Variants in PDE10A observed in about 807,000 individuals in gnomAD.
PDE10A encodes phosphodiesterase 10A, also known as cAMP and cAMP-inhibited cGMP 3',5'-cyclic phosphodiesterase 10A.
In PDE10A, 39 loss-of-function variants were observed where a neutral mutation model predicts 97.7. The ratio of observed to expected loss-of-function variants is 0.40; its 90% CI spans 0.31 to 0.52. The LOEUF (loss-of-function observed/expected upper bound fraction) is 0.52. Among genes scored for constraint, PDE10A ranks in the 20% least tolerant of loss-of-function variants. The pLI, the probability that PDE10A is intolerant of heterozygous loss-of-function variation, is 0.56. For synonymous variants in PDE10A, 371 were observed against 376.8 expected (o/e 0.98, Z 0.18); for missense variants, 731 against 1,047.8 (o/e 0.70, Z 4.17).
At chr6:165,722,195 T>G (rs1254470198) in intron 1 of PDE10A, among the ~76,000 whole-genome samples, 1 of 152,246 alleles carries the variant, frequency 6.6e-6, no homozygotes, top group Non-Finnish European at 1.5e-5. Flanking sequence ...GCATGTCCAG[T>G]GCTGTGAGAT....
intron 1 of PDE10A, among the ~76,000 whole-genome samples, chr6:165,621,404 CCTTTCCCCTT>C (rs1788126848): frequency 1.3e-5 from 2 of 152,176 alleles, no homozygotes; most frequent in Middle Eastern, 3.4e-3. Context: ...TTGAAAAACC[CCTTTCCCCTT>C]CAAAATAGGA....
intron 1 of PDE10A, among the ~76,000 whole-genome samples, chr6:165,641,969 T>C (rs977878201): frequency 6.6e-6 from 1 of 152,134 alleles, no homozygotes; most frequent in Non-Finnish European, 1.5e-5. Context: ...GCGTGGCTGG[T>C]AGGAATCTGG....
intron 1 of PDE10A, among the ~76,000 whole-genome samples, chr6:165,557,978 T>C (rs1784341990): frequency 6.6e-6 from 1 of 152,210 alleles, no homozygotes; most frequent in Non-Finnish European, 1.5e-5. Context: ...ACTGAGTGCC[T>C]ACTATGAATC....
chr6:165,782,208 T>C (rs2128461843), intron 1 of PDE10A, among the ~76,000 whole-genome samples: 1 of 152,380 alleles, frequency 6.6e-6, no homozygotes, highest in Non-Finnish European at 1.5e-5. Flanking sequence ...CGAAGTCATG[T>C]GAACTGCTGA....
rs1260960974 is a variant in PDE10A, at chr6:165,655,694, G to C, written c.865+6253C>G. On this transcript the variant is annotated intron_variant, in intron 1 of 21. Coordinates refer to ENST00000539869, the MANE Select transcript of PDE10A (RefSeq NM_001385079.1). The surrounding 1 kb of genome is among the most constrained non-coding windows in gnomAD (Gnocchi z 4.5). ...ATTCACCAAACTGCAGCCAGAATGA[G>C]CTTCTGAGATCATAAACCATGGATC... Among the ~76,000 whole-genome samples, 2 of 152,112 alleles carry C rather than the reference G, an allele frequency of 1.3e-5. No individual in the cohort carries two copies. Among genetic ancestry groups the C allele is most frequent in the Non-Finnish European group, 2.9e-5 (2 of 68,028 alleles).
intron 1 of PDE10A, among the ~76,000 whole-genome samples, chr6:165,789,054 C>T (rs914711705): frequency 6.6e-6 from 1 of 152,084 alleles, no homozygotes; most frequent in African/African-American, 2.4e-5. Context: ...AGGGGCAGAG[C>T]ATCCTCTGTG....
At position 165,339,059 on chromosome 6, in the gene PDE10A, T is replaced by C. The variant is rs1487285591; in HGVS notation, c.2976+219A>G. ...AGTGTCTTAGCAAGTGAAGGCTCAT[T>C]TGAGTAGATGATTATTCAGGGTAAA... is the stretch of plus-strand genomic sequence containing the variant. On this transcript the variant is annotated intron_variant, in intron 20 of 21. Transcript: ENST00000539869. Among the ~76,000 whole-genome samples the C allele has an allele frequency of 2.6e-5, 4 of 152,226 alleles. No homozygotes were observed. In the East Asian group the frequency reaches 5.8e-4, roughly 22 times the overall value.
At chr6:165,589,613 A>C (rs1346793961) in intron 1 of PDE10A, among the ~76,000 whole-genome samples, 1 of 152,188 alleles carries the variant, frequency 6.6e-6, no homozygotes, top group Non-Finnish European at 1.5e-5. Context: ...CTTCAGACAC[A>C]TAACAGTCCC....
intron 1 of PDE10A, among the ~76,000 whole-genome samples, chr6:165,599,674 A>T (rs1046275799): frequency 2.0e-5 from 3 of 152,156 alleles, no homozygotes; most frequent in African/African-American, 7.2e-5. Flanking sequence ...TATTTTTGTT[A>T]TTATCATGTG....
At chr6:165,485,411 T>C (rs1022325663) in intron 2 of PDE10A, among the ~76,000 whole-genome samples, 3 of 141,732 alleles carry the variant, frequency 2.1e-5, no homozygotes, top group African/African-American at 5.3e-5. Flanking sequence ...GAGGTTGCAG[T>C]GAGCCAAGGT....
chr6:165,986,291 T>C (rs1282593810), intron 1 of PDE10A: 1 of 148,444 alleles, frequency 6.7e-6, no homozygotes, highest in Non-Finnish European at 1.5e-5. Context: ...AGAGTGAAGG[T>C]GGGGTTGGAT....
rs1180677525 is a variant in PDE10A at position 165,332,755 on chromosome 6, G to A, written c.*270C>T. 11 of 439,736 alleles carry A rather than the reference G, an allele frequency of 2.5e-5. No individual in the cohort carries two copies. The South Asian group carries it at 3.9e-4, about 16-fold the overall frequency. The allele number at this position is 439,736 out of a possible 1,614,324, so 27.2% of individuals were successfully genotyped here. A position where few individuals can be genotyped will look rare whatever the true frequency, so the allele number is the denominator to read the frequency against. Reference sequence around the variant, plus strand: ...TCAGCAATATTAGCCTATTAGAAAAGGCTGGTTTGCAAGTCAAATGGAGTC... The same window carrying A: ...TCAGCAATATTAGCCTATTAGAAAAAGCTGGTTTGCAAGTCAAATGGAGTC... On this transcript the variant is annotated 3_prime_UTR_variant, in exon 22 of 22. Transcript: ENST00000539869.
chr6:165,887,178 C>T (rs557127152), intron 1 of PDE10A, among the ~76,000 whole-genome samples: 3 of 152,288 alleles, frequency 2.0e-5, no homozygotes, highest in South Asian at 2.1e-4. Context: ...ACCTTCTTCT[C>T]CCACCATCAG....
intron 1 of PDE10A, among the ~76,000 whole-genome samples, chr6:165,640,072 G>GGA (rs745806046): frequency 2.2e-5 from 3 of 138,644 alleles, no homozygotes; most frequent in Non-Finnish European, 4.7e-5. Context: ...TCTGTCACCA[G>GGA]AAAAAAAAAA....
intron 11 of PDE10A, among the ~76,000 whole-genome samples, chr6:165,416,708 GCTGGT>G (rs1205060235): frequency 1.3e-5 from 2 of 152,196 alleles, no homozygotes; most frequent in Non-Finnish European, 2.9e-5. Context: ...ACACTAGAAT[GCTGGT>G]CTCTACCATC....
chr6:165,499,679 T>A (rs1780751597), intron 2 of PDE10A, among the ~76,000 whole-genome samples: 1 of 152,226 alleles, frequency 6.6e-6, no homozygotes, highest in South Asian at 2.1e-4. Flanking sequence ...GTCAATTTTA[T>A]CCACATGTTG....
At chr6:165,437,560 T>G (rs1180120246) in intron 5 of PDE10A, among the ~76,000 whole-genome samples, 1 of 152,190 alleles carries the variant, frequency 6.6e-6, no homozygotes, top group African/African-American at 2.4e-5. Context: ...AAAAAAATTA[T>G]CAAAAATTGA....
intron 3 of PDE10A, among the ~76,000 whole-genome samples, chr6:165,468,685 G>A (rs1371823712): frequency 6.6e-6 from 1 of 152,178 alleles, no homozygotes; most frequent in African/African-American, 2.4e-5. Flanking sequence ...GAGGGGAACA[G>A]ATAAACAAGA....
At chr6:165,961,400 T>G (rs1784356649) in intron 1 of PDE10A, among the ~76,000 whole-genome samples, 2 of 152,160 alleles carry the variant, frequency 1.3e-5, no homozygotes. Flanking sequence ...CAGGATGAAA[T>G]GCGATCATGT....
Sources: gnomAD v4.1 joint callset for allele counts (sites outside exome capture counted in the v4.1 genomes callset) on GRCh38, gnomAD v4.1.1 for gene constraint, Gnocchi (gnomAD v3.1) non-coding constraint, MANE v1.5 for transcripts, NCBI Gene and HGNC (gene_info 2026-07-23, HGNC 2026-07-21) for gene names.